NALF1: variants seen among roughly 807,000 people sequenced by gnomAD.
NALF1 encodes the protein family with sequence similarity 155 member A.
A neutral mutation model predicts 48.4 loss-of-function variants in NALF1; 3 were observed. That is an observed-to-expected ratio of 0.06 (90% confidence interval 0.03 to 0.16). The LOEUF is 0.16. Ranked by LOEUF, NALF1 falls within the 10% of genes least tolerant of loss-of-function variation. NALF1 has a pLI of 1.00. For synonymous variants in NALF1, 262 were observed against 245.7 expected (o/e 1.07, Z -0.62); for missense variants, 526 against 571.5 (o/e 0.92, Z 0.81).
At chr13:107,586,250 C>T (rs979798041) in intron 1 of NALF1, among the ~76,000 whole-genome samples, 2 of 152,056 alleles carry the variant, frequency 1.3e-5, no homozygotes, top group African/African-American at 4.8e-5. Flanking sequence ...CCACTTTTCT[C>T]ATTTACAAAG....
At chr13:107,733,831 T>C (rs1439014629) in intron 1 of NALF1, among the ~76,000 whole-genome samples, 1 of 152,120 alleles carries the variant, frequency 6.6e-6, no homozygotes, top group Non-Finnish European at 1.5e-5. Flanking sequence ...GAGGAAAGCA[T>C]AAGAACAGAA....
intron 1 of NALF1, among the ~76,000 whole-genome samples, chr13:107,593,052 T>A (rs1316582320): frequency 6.6e-6 from 1 of 151,892 alleles, no homozygotes; most frequent in Non-Finnish European, 1.5e-5. Context: ...ATATATTTAC[T>A]CTAACTGCAT....
intron 1 of NALF1, among the ~76,000 whole-genome samples, chr13:107,489,181 A>G (rs1885377416): frequency 1.3e-5 from 2 of 152,228 alleles, no homozygotes; most frequent in Non-Finnish European, 2.9e-5. Context: ...AGAAGAATCG[A>G]TATCATTAAA....
In NALF1 at chr13:107,838,510, T is replaced by C. The variant is rs572638157; in HGVS notation, c.915+27172A>G. On this transcript the variant is annotated intron_variant, in intron 1 of 2. Transcript: ENST00000375915. ...TACTTAAAGGAGACTGGAGATCACA[T>C]TTTAAGGCATTTCAAATTGTGTCGT... Among the ~76,000 whole-genome samples, 37 of 152,284 alleles carry C rather than the reference T, an allele frequency of 2.4e-4. 1 individual carries two copies. The East Asian group carries it at 2.9e-3, about 12-fold the overall frequency.
intron 1 of NALF1, among the ~76,000 whole-genome samples, chr13:107,694,169 G>C (rs953041624): frequency 6.6e-6 from 1 of 152,176 alleles, no homozygotes; most frequent in Non-Finnish European, 1.5e-5. Flanking sequence ...AGCTGTTAAA[G>C]CTAGAAAAGA....
intron 1 of NALF1, among the ~76,000 whole-genome samples, chr13:107,674,931 T>C (rs1057094727): frequency 6.6e-6 from 1 of 152,072 alleles, no homozygotes; most frequent in African/African-American, 2.4e-5. Flanking sequence ...TGGAGTTCAA[T>C]GATGTGGACT....
At chr13:107,634,533 G>A (rs1244963027) in intron 1 of NALF1, among the ~76,000 whole-genome samples, 1 of 152,058 alleles carries the variant, frequency 6.6e-6, no homozygotes, top group Non-Finnish European at 1.5e-5. Context: ...AGGAGAAGGG[G>A]AAAAGATCTT....
chr13:107,228,498 C>G (rs1880153583), intron 1 of NALF1, among the ~76,000 whole-genome samples: 1 of 152,164 alleles, frequency 6.6e-6, no homozygotes, highest in Non-Finnish European at 1.5e-5. Flanking sequence ...TGACATCAAC[C>G]ACTCACAATG....
rs185799244 is a variant in NALF1 at position 107,428,858 on chromosome 13, A to G, written c.916-218103T>C. ...GCTAATTACAATCCTCCATCCTTTT[A>G]CACTATTTGAAGAACCTTCCATATA... On this transcript the variant is annotated intron_variant, in intron 1 of 2. Transcript: ENST00000375915. Among the ~76,000 whole-genome samples the G allele has an allele frequency of 7.9e-5, 12 of 152,286 alleles. No individual in the cohort carries two copies. The East Asian group carries it at 1.9e-3, about 24-fold the overall frequency.
intron 1 of NALF1, among the ~76,000 whole-genome samples, chr13:107,510,720 G>T (rs767005946): frequency 6.6e-6 from 1 of 152,104 alleles, no homozygotes; most frequent in Non-Finnish European, 1.5e-5. Context: ...GAACAGCAAC[G>T]CCAGACAAGG....
chr13:107,291,273 C>G (rs1033060604), intron 1 of NALF1, among the ~76,000 whole-genome samples: 4 of 151,918 alleles, frequency 2.6e-5, no homozygotes. Flanking sequence ...TTTCCTGGTT[C>G]ATGTGTTTAG....
At chr13:107,719,573 T>C (rs958425449) in intron 1 of NALF1, among the ~76,000 whole-genome samples, 1 of 152,050 alleles carries the variant, frequency 6.6e-6, no homozygotes, top group East Asian at 1.9e-4. Flanking sequence ...ACATCTATAG[T>C]AGATGTCCAA....
intron 1 of NALF1, chr13:107,466,755 G>T (rs1299111634): frequency 6.6e-6 from 1 of 152,166 alleles, no homozygotes; most frequent in Non-Finnish European, 1.5e-5. Context: ...AAGAAATTAG[G>T]CTAATCTGGA....
intron 2 of NALF1, among the ~76,000 whole-genome samples, chr13:107,204,359 G>T (rs1414736168): frequency 6.6e-6 from 1 of 152,246 alleles, no homozygotes; most frequent in Non-Finnish European, 1.5e-5. Flanking sequence ...CTGTCAGCAG[G>T]CCTGGGCACT....
intron 1 of NALF1, among the ~76,000 whole-genome samples, chr13:107,220,071 T>C (rs200571122): frequency 1.2e-5 from 1 of 83,216 alleles, no homozygotes; most frequent in African/African-American, 8.1e-5. Context: ...TCACAAAAAT[T>C]ATAATTGAAA....
At chr13:107,766,841 C>T (rs940961059) in intron 1 of NALF1, among the ~76,000 whole-genome samples, 1 of 152,080 alleles carries the variant, frequency 6.6e-6, no homozygotes, top group Admixed American at 6.6e-5. Context: ...TGTTTTAATG[C>T]CATCTGACCC....
chr13:107,700,301 T>C (rs1281197111), intron 1 of NALF1, among the ~76,000 whole-genome samples: 2 of 151,718 alleles, frequency 1.3e-5, no homozygotes, highest in African/African-American at 4.8e-5. Flanking sequence ...GTCATAAAAA[T>C]AGAAACAAAA....
At chr13:107,613,879 A>G (rs1429572239) in intron 1 of NALF1, among the ~76,000 whole-genome samples, 1 of 152,224 alleles carries the variant, frequency 6.6e-6, no homozygotes, top group Non-Finnish European at 1.5e-5. Context: ...TGGAGTGACC[A>G]TTCTATGCAG....
At chr13:107,691,139 G>A (rs1216798347) in intron 1 of NALF1, among the ~76,000 whole-genome samples, 3 of 152,208 alleles carry the variant, frequency 2.0e-5, no homozygotes, top group Non-Finnish European at 4.4e-5. Context: ...TACACAGTGA[G>A]AATGTCAAAT....
Sources: gnomAD v4.1 joint callset for allele counts (sites outside exome capture counted in the v4.1 genomes callset) on GRCh38, gnomAD v4.1.1 for gene constraint, MANE v1.5 for transcripts, NCBI Gene and HGNC (gene_info 2026-07-23, HGNC 2026-07-21) for gene names.